Variants in FAM193A observed in about 807,000 individuals in gnomAD.
The protein encoded by FAM193A is protein FAM193A.
In FAM193A, 22 loss-of-function variants were observed where a neutral mutation model predicts 126.5. The observed-to-expected ratio is 0.17, with a 90% confidence interval of 0.12 to 0.25. The LOEUF (loss-of-function observed/expected upper bound fraction) is 0.25. Ranked by LOEUF, FAM193A falls within the 10% of genes least tolerant of loss-of-function variation. The pLI, the probability that FAM193A is intolerant of heterozygous loss-of-function variation, is 1.00. For synonymous variants in FAM193A, 761 were observed against 646.8 expected, an observed-to-expected ratio of 1.18 and a Z score of -2.68; for missense variants, 1,675 against 1,672.8, an observed-to-expected ratio of 1.00 and a Z score of -0.02.
intron 2 of FAM193A, among the ~76,000 whole-genome samples, chr4:2,597,185 G>T (rs544981211): frequency 1.3e-5 from 2 of 152,010 alleles, no homozygotes; most frequent in Non-Finnish European, 2.9e-5. Flanking sequence ...TTTCTCACTC[G>T]GCCCCTCCCG....
At chr4:2,586,328 T>A (rs1229678154) in intron 1 of FAM193A, among the ~76,000 whole-genome samples, 4 of 152,182 alleles carry the variant, frequency 2.6e-5, no homozygotes, top group Non-Finnish European at 5.9e-5. Context: ...TGAAAATGTT[T>A]CCCTTTACCC....
chr4:2,689,694 T>C lies in FAM193A; in HGVS notation c.2520T>C (p.Asp840=), dbSNP rs769169373. The C allele has an allele frequency of 5.7e-6, 9 of 1,567,592 alleles. No homozygotes were observed. The Admixed American group carries it at 1.3e-4, about 22-fold the overall frequency. ...GGAATCCTGGCACTTTCTTGCCAGA[T>C]ACAATTTCTGGTAAGGAATTTGTTA... ...KNWNPGTFLP[D]TISGSEILGP... The change falls in exon 14 of 21, where the codon GAT becomes GAC. Residue 840 remains aspartate, a synonymous_variant. Transcript: ENST00000637812.
At chr4:2,624,958 A>G (rs973853525) in intron 2 of FAM193A, among the ~76,000 whole-genome samples, 1 of 152,168 alleles carries the variant, frequency 6.6e-6, no homozygotes, top group Non-Finnish European at 1.5e-5. Context: ...CCCAGGCTCA[A>G]GTGATCCTGT....
intron 1 of FAM193A, among the ~76,000 whole-genome samples, chr4:2,567,668 T>C (rs1053926209): frequency 1.3e-5 from 2 of 152,254 alleles, no homozygotes; most frequent in African/African-American, 4.8e-5. Flanking sequence ...ATTACATTCA[T>C]TAACTGCTGC....
intron 4 of FAM193A, among the ~76,000 whole-genome samples, chr4:2,628,825 A>C (rs1042932125): frequency 6.7e-6 from 1 of 149,412 alleles, no homozygotes; most frequent in Non-Finnish European, 1.5e-5. Flanking sequence ...TGAGCTTCCT[A>C]GCTTCTTCAG....
chr4:2,620,304 A>T (rs1577083679), intron 2 of FAM193A, among the ~76,000 whole-genome samples: 1 of 152,132 alleles, frequency 6.6e-6, no homozygotes, highest in Admixed American at 6.6e-5. Context: ...TTCTGAGTGT[A>T]CTGCGTTCCA....
At chr4:2,603,866 G>A (rs981908913) in intron 2 of FAM193A, among the ~76,000 whole-genome samples, 3 of 151,634 alleles carry the variant, frequency 2.0e-5, no homozygotes, top group South Asian at 4.2e-4. Context: ...ATTTTGAGAC[G>A]GAATTTCACT....
chr4:2,723,242 C>G (rs933118495), intron 20 of FAM193A, among the ~76,000 whole-genome samples: 1 of 151,910 alleles, frequency 6.6e-6, no homozygotes, highest in Non-Finnish European at 1.5e-5. Flanking sequence ...CCACTGCACT[C>G]CAGCCTGGGC....
At chr4:2,721,992 C>T (rs184290797) in intron 20 of FAM193A, among the ~76,000 whole-genome samples, 1 of 152,280 alleles carries the variant, frequency 6.6e-6, no homozygotes, top group East Asian at 1.9e-4. Context: ...GCAGTTCCCT[C>T]GATATGAGGC....
At chr4:2,536,244 G>A (rs901546749), upstream of FAM193A, among the ~76,000 whole-genome samples, 4 of 151,626 alleles carry the variant, frequency 2.6e-5, no homozygotes, top group African/African-American at 4.8e-5. Flanking sequence ...TTGCCTCGCG[G>A]GCGGCGGCGC....
intron 1 of FAM193A, among the ~76,000 whole-genome samples, chr4:2,582,291 A>G (rs1262407411): frequency 6.6e-6 from 1 of 152,054 alleles, no homozygotes; most frequent in Non-Finnish European, 1.5e-5. Flanking sequence ...AGCTGAGACC[A>G]CAAGTGTGGT....
intron 20 of FAM193A, among the ~76,000 whole-genome samples, chr4:2,723,012 A>C (rs1720328297): frequency 6.6e-6 from 1 of 152,098 alleles, no homozygotes; most frequent in Non-Finnish European, 1.5e-5. Flanking sequence ...AGTGGCTCGC[A>C]CCTGTAATCC....
At chr4:2,637,898 G>A (rs189516723) in intron 5 of FAM193A, among the ~76,000 whole-genome samples, 4 of 152,352 alleles carry the variant, frequency 2.6e-5, no homozygotes, top group East Asian at 1.9e-4. Flanking sequence ...GTTGATTTCC[G>A]GTTGTGAAGT....
chr4:2,637,630 C>G (rs1437100752), intron 5 of FAM193A, among the ~76,000 whole-genome samples: 2 of 152,186 alleles, frequency 1.3e-5, no homozygotes, highest in Admixed American at 1.3e-4. Flanking sequence ...GCCTTTCTGC[C>G]TCTAGCTCAG....
At chr4:2,718,674 C>T (rs899900206) in intron 20 of FAM193A, among the ~76,000 whole-genome samples, 8 of 152,202 alleles carry the variant, frequency 5.3e-5, no homozygotes, top group African/African-American at 1.9e-4. Context: ...TTGCAGTGAG[C>T]CAAGATTGTG....
At chr4:2,607,677 C>G (rs569882635) in intron 2 of FAM193A, among the ~76,000 whole-genome samples, 1 of 152,278 alleles carries the variant, frequency 6.6e-6, no homozygotes, top group African/African-American at 2.4e-5. Context: ...AGTTAATTAT[C>G]AATGATATGT....
chr4:2,555,858 C>T (rs113318972), intron 1 of FAM193A, among the ~76,000 whole-genome samples: 10,015 of 151,936 alleles, frequency 0.066, 582 homozygotes, highest in African/African-American at 0.15. Context: ...CCTTGTGATC[C>T]ACCTGCCTCG....
chr4:2,728,760 T>C lies in FAM193A; in HGVS notation c.4455-3015T>C, dbSNP rs183457531. On this transcript the variant is annotated intron_variant, in intron 20 of 20. Transcript: ENST00000637812. ...AATATGATAGGGGTTTTTTGTTGTT[T>C]TGTTTAGCCTTCTCCTAAGCTAAAT... Among the ~76,000 whole-genome samples, 631 of 152,270 alleles carry C rather than the reference T, an allele frequency of 4.1e-3. 6 individuals carry two copies. Among genetic ancestry groups the C allele is most frequent in the Admixed American group, 0.011 (163 of 15,288 alleles).
intron 19 of FAM193A, among the ~76,000 whole-genome samples, chr4:2,713,104 CAAAAAAA>C (rs529104464): frequency 1.3e-5 from 1 of 77,390 alleles, no homozygotes; most frequent in African/African-American, 4.7e-5. Context: ...GACTCTGCTT[CAAAAAAA>C]AAAAAAAAAA....
Sources: allele counts gnomAD v4.1 joint callset (sites outside exome capture counted in the v4.1 genomes callset), GRCh38; gene constraint gnomAD v4.1.1; transcripts MANE v1.5; gene names NCBI Gene and HGNC (gene_info 2026-07-23, HGNC 2026-07-21).